Variants in NBEA observed in about 807,000 individuals in gnomAD.
NBEA encodes the protein neurobeachin, also known as lysosomal-trafficking regulator 2.
A neutral mutation model predicts 343.4 loss-of-function variants in NBEA; 44 were observed. That is an observed-to-expected ratio of 0.13 (90% CI 0.10 to 0.16). The LOEUF is 0.16. Among genes scored for constraint, NBEA ranks in the 10% least tolerant of loss-of-function variants. The pLI is 1.00. For synonymous variants in NBEA, 1,175 were observed against 1,238.7 expected (o/e 0.95, Z 1.08); for missense variants, 2,555 against 3,631.3 (o/e 0.70, Z 7.62).
chr13:35,293,923 C>A (rs145847685), intron 35 of NBEA, among the ~76,000 whole-genome samples: 2 of 150,662 alleles, frequency 1.3e-5, no homozygotes, highest in African/African-American at 4.9e-5. Context: ...AGAAACTGTA[C>A]ATTTAAAAAA....
intron 34 of NBEA, among the ~76,000 whole-genome samples, chr13:35,259,852 TTCAA>T (rs1209033751): frequency 6.6e-6 from 1 of 152,164 alleles, no homozygotes; most frequent in Non-Finnish European, 1.5e-5. Context: ...ACAACATAAC[TTCAA>T]TCAAAGAAAT....
intron 39 of NBEA, among the ~76,000 whole-genome samples, chr13:35,449,821 A>G (rs2046215590): frequency 6.6e-6 from 1 of 152,218 alleles, no homozygotes; most frequent in African/African-American, 2.4e-5. Flanking sequence ...CCAATGTAGC[A>G]TTGATTTGTC....
intron 1 of NBEA, among the ~76,000 whole-genome samples, chr13:35,038,777 C>G (rs940070031): frequency 2.6e-5 from 4 of 152,062 alleles, no homozygotes; most frequent in African/African-American, 9.7e-5. Flanking sequence ...CTCCTCTTCT[C>G]AAGTAGAAGG....
At chr13:35,138,711 C>T (rs2067887781) in intron 17 of NBEA, among the ~76,000 whole-genome samples, 1 of 152,094 alleles carries the variant, frequency 6.6e-6, no homozygotes, top group African/African-American at 2.4e-5. Flanking sequence ...CCTCCCACCT[C>T]AGCCTCCCAA....
intron 1 of NBEA, among the ~76,000 whole-genome samples, chr13:35,016,541 G>T (rs1216552859): frequency 6.6e-6 from 1 of 151,782 alleles, no homozygotes; most frequent in Non-Finnish European, 1.5e-5. Context: ...ATATAATGGA[G>T]TGCAGAGCTA....
At chr13:35,354,649 C>T (rs1164446260) in intron 38 of NBEA, among the ~76,000 whole-genome samples, 1 of 152,134 alleles carries the variant, frequency 6.6e-6, no homozygotes. Context: ...AACTGTGTCA[C>T]TGAACTCTAA....
At chr13:35,090,579 CTT>C (rs2065031249) in intron 10 of NBEA, among the ~76,000 whole-genome samples, 1 of 151,870 alleles carries the variant, frequency 6.6e-6, no homozygotes, top group South Asian at 2.1e-4. Context: ...TTAAACCTGA[CTT>C]TAACTGATGT....
chr13:35,337,032 TAAC>T (rs2039303177), intron 36 of NBEA, among the ~76,000 whole-genome samples: 1 of 151,288 alleles, frequency 6.6e-6, no homozygotes, highest in Non-Finnish European at 1.5e-5. Context: ...TAAAAAGAAA[TAAC>T]AAGGGAAAGA....
intron 10 of NBEA, among the ~76,000 whole-genome samples, chr13:35,085,057 C>T (rs1470961891): frequency 4.6e-5 from 7 of 152,084 alleles, no homozygotes; most frequent in African/African-American, 1.7e-4. Context: ...TCTGAATAGA[C>T]CAATAACAGG....
chr13:35,047,840 T>G (rs2062919663), intron 4 of NBEA, among the ~76,000 whole-genome samples: 1 of 7,574 alleles, frequency 1.3e-4, no homozygotes, highest in South Asian at 4.0e-3. Context: ...AGAATTTTGA[T>G]AAAGTCTAGG....
chr13:35,144,686 A>G (rs1255018749), intron 18 of NBEA, among the ~76,000 whole-genome samples: 2 of 151,992 alleles, frequency 1.3e-5, no homozygotes, highest in Non-Finnish European at 2.9e-5. Context: ...GGTCTTCTTT[A>G]TCTACTTCCT....
At chr13:35,068,610 AC>A (rs1448208683) in intron 8 of NBEA, among the ~76,000 whole-genome samples, 7 of 152,212 alleles carry the variant, frequency 4.6e-5, no homozygotes, top group Non-Finnish European at 1.0e-4. Context: ...ACTACAGCAT[AC>A]ACAAATTTTT....
At chr13:35,103,658 A>G (rs929650397) in intron 11 of NBEA, among the ~76,000 whole-genome samples, 2 of 151,796 alleles carry the variant, frequency 1.3e-5, no homozygotes, top group African/African-American at 4.8e-5. Context: ...TGACTAAATT[A>G]TCCAAACTGA....
chr13:35,514,315 G>A (rs2077399060), intron 41 of NBEA, among the ~76,000 whole-genome samples: 1 of 152,114 alleles, frequency 6.6e-6, no homozygotes, highest in Non-Finnish European at 1.5e-5. Flanking sequence ...TAGACCTAGT[G>A]GGGCCTAACA....
chr13:35,471,739 G>A (rs1266343452), intron 40 of NBEA, among the ~76,000 whole-genome samples: 1 of 152,128 alleles, frequency 6.6e-6, no homozygotes, highest in Non-Finnish European at 1.5e-5. Context: ...TTGTTCAAGC[G>A]TCTTACATTT....
At chr13:35,337,986 C>G (rs1384806996) in intron 36 of NBEA, among the ~76,000 whole-genome samples, 1 of 151,776 alleles carries the variant, frequency 6.6e-6, no homozygotes, top group Non-Finnish European at 1.5e-5. Flanking sequence ...AAATTTATGA[C>G]TATAAGTAAC....
At chr13:35,116,412 T>G (rs534933720) in intron 13 of NBEA, among the ~76,000 whole-genome samples, 21 of 152,236 alleles carry the variant, frequency 1.4e-4, no homozygotes, top group Admixed American at 7.2e-4. Flanking sequence ...CAATGAAAAG[T>G]TTTTTTAAAG....
intron 38 of NBEA, among the ~76,000 whole-genome samples, chr13:35,397,966 T>A (rs999529610): frequency 5.3e-5 from 8 of 152,118 alleles, no homozygotes; most frequent in Non-Finnish European, 1.0e-4. Flanking sequence ...CACAAAAGAT[T>A]ACTCAGCAGT....
intron 34 of NBEA, among the ~76,000 whole-genome samples, chr13:35,252,098 G>A (rs866031769): frequency 2.0e-5 from 3 of 152,094 alleles, no homozygotes; most frequent in Non-Finnish European, 4.4e-5. Flanking sequence ...CCCAAGACTG[G>A]GTAGTTCATA....
Sources: allele counts gnomAD v4.1 joint callset (sites outside exome capture counted in the v4.1 genomes callset), GRCh38; gene constraint gnomAD v4.1.1; transcripts MANE v1.5; gene names NCBI Gene and HGNC (gene_info 2026-07-23, HGNC 2026-07-21).